The following ZC3HC1 variants were observed in gnomAD, a reference collection of about 807,000 sequenced individuals.
ZC3HC1 encodes the protein zinc finger C3HC-type protein 1.
In ZC3HC1, 38 loss-of-function variants were observed where a neutral mutation model predicts 61.9. The ratio of observed to expected loss-of-function variants is 0.61; its 90% CI spans 0.47 to 0.81. The LOEUF (loss-of-function observed/expected upper bound fraction) is 0.81. Among genes scored for constraint, ZC3HC1 ranks in the 30% least tolerant of loss-of-function variants. The pLI, the probability that ZC3HC1 is intolerant of heterozygous loss-of-function variation, is 0.00. For synonymous variants in ZC3HC1, 213 were observed against 229.9 expected, an observed-to-expected ratio of 0.93 and a Z score of 0.67; for missense variants, 554 against 622.7, an observed-to-expected ratio of 0.89 and a Z score of 1.17.
At chr7:130,025,472 C>T (rs1223092754) in intron 6 of ZC3HC1, among the ~76,000 whole-genome samples, 1 of 151,622 alleles carries the variant, frequency 6.6e-6, no homozygotes, top group South Asian at 2.1e-4. Context: ...GATTTTTCTT[C>T]CTTTCTAAAA....
intron 5 of ZC3HC1, 134 bp from the exon 6 acceptor site, chr7:130,026,446 A>C: frequency 1.1e-6 from 1 of 888,692 alleles, no homozygotes; most frequent in East Asian, 2.7e-5. Flanking sequence ...CTCTTCACAG[A>C]GAACAAAATA....
At position 130,024,245 on chromosome 7, in the gene ZC3HC1, A is replaced by C. The variant is rs780686574; in HGVS notation, c.1020+18T>G. On this transcript the variant is annotated intron_variant, in intron 7 of 9. Transcript: ENST00000358303. Reference sequence around the variant, plus strand: ...GAATGTTGTTTAAAATTCCACCCCAAATAAGCTAAGTGAATACCTGCTCTG... The same window carrying C: ...GAATGTTGTTTAAAATTCCACCCCACATAAGCTAAGTGAATACCTGCTCTG... 16 of 1,562,804 alleles carry C rather than the reference A, an allele frequency of 1.0e-5. No individual in the cohort carries two copies. The highest frequency in any genetic ancestry group is 8.7e-7 in the Non-Finnish European group (1 of 1,154,492).
chr7:130,021,315 T>C (rs953468405), intron 9 of ZC3HC1, among the ~76,000 whole-genome samples: 25 of 152,214 alleles, frequency 1.6e-4, no homozygotes, highest in African/African-American at 5.8e-4. Flanking sequence ...TGACAAGTAT[T>C]ATTTTACTTT....
intron 2 of ZC3HC1, among the ~76,000 whole-genome samples, chr7:130,045,961 C>T (rs989770460): frequency 2.0e-5 from 3 of 147,170 alleles, no homozygotes; most frequent in African/African-American, 7.5e-5. Flanking sequence ...CTCTTTGATA[C>T]TATGCAGCCA....
At chr7:130,027,918 C>T (rs2116689627) in intron 5 of ZC3HC1, among the ~76,000 whole-genome samples, 1 of 151,682 alleles carries the variant, frequency 6.6e-6, no homozygotes, top group East Asian at 2.0e-4. Context: ...TCTGTAATCC[C>T]AGCACTTTGG....
At chr7:130,039,626 G>C in intron 3 of ZC3HC1, 79 bp from the exon 4 acceptor site, 1 of 951,588 alleles carries the variant, frequency 1.1e-6, no homozygotes, top group Non-Finnish European at 1.6e-6. Context: ...TAAGAGCAGA[G>C]ATTTAACTAA....
At chr7:130,038,986 T>C (rs1435020586) in intron 4 of ZC3HC1, among the ~76,000 whole-genome samples, 1 of 151,428 alleles carries the variant, frequency 6.6e-6, no homozygotes. Flanking sequence ...ATGCACTTCA[T>C]GAAGGTAAGT....
intron 4 of ZC3HC1, 198 bp downstream of exon 4, chr7:130,039,266 C>G: frequency 1.8e-6 from 1 of 556,880 alleles, no homozygotes; most frequent in Admixed American, 3.4e-5. Flanking sequence ...ATTGCTTGAA[C>G]GCGGGAGGCG....
Position 130,040,940 on chromosome 7 carries a change from C to T in ZC3HC1, c.409+11G>A. 7 of 1,606,010 alleles carry T rather than the reference C, an allele frequency of 4.4e-6. No individual in the cohort carries two copies. ...GTGTGGAGAAAAATGTAATTTGTAC[C>T]TTATACTTACATCTGTCAAAGTCAA... On this transcript the variant is annotated intron_variant, in intron 3 of 9. Transcript: ENST00000358303.
intron 2 of ZC3HC1, chr7:130,043,659 C>A (rs962230767): frequency 1.7e-5 from 5 of 301,928 alleles, no homozygotes; most frequent in Non-Finnish European, 3.2e-5. Context: ...AGTCTTAAAG[C>A]CATTAGGCGG....
At chr7:130,048,143 GTTTTTTTTTT>G (rs11364921) in intron 2 of ZC3HC1, among the ~76,000 whole-genome samples, 7 of 73,738 alleles carry the variant, frequency 9.5e-5, no homozygotes, top group African/African-American at 4.1e-4. Flanking sequence ...TTTCCTAGTT[GTTTTTTTTTT>G]TTTTTTTTTT....
intron 4 of ZC3HC1, among the ~76,000 whole-genome samples, chr7:130,037,988 T>C (rs981605926): frequency 1.1e-4 from 16 of 152,212 alleles, no homozygotes; most frequent in Admixed American, 1.0e-3. Flanking sequence ...GATGAGGTCT[T>C]ACTATATTTA....
intron 5 of ZC3HC1, 25 bp downstream of exon 5, chr7:130,028,877 T>C (rs1794047651): frequency 6.2e-7 from 1 of 1,606,640 alleles, no homozygotes; most frequent in African/African-American, 1.3e-5. Flanking sequence ...TGGAGGCCAT[T>C]GCAGCCTAGT....
intron 1 of ZC3HC1, chr7:130,050,566 T>C (rs1402089459): frequency 7.6e-7 from 1 of 1,320,896 alleles, no homozygotes; most frequent in African/African-American, 1.5e-5. Context: ...AATGACAAGA[T>C]TTAGCATTTT....
chr7:130,027,780 A>G (rs568025069), intron 5 of ZC3HC1, among the ~76,000 whole-genome samples: 1 of 151,958 alleles, frequency 6.6e-6, no homozygotes, highest in Admixed American at 6.6e-5. Context: ...CAGCCTCCCA[A>G]AGTGCCGGGA....
chr7:130,035,307 G>A (rs1794387978), intron 4 of ZC3HC1, among the ~76,000 whole-genome samples: 1 of 150,450 alleles, frequency 6.6e-6, no homozygotes, highest in South Asian at 2.1e-4. Context: ...CAGAAGAATC[G>A]CTTGAGCCTG....
chr7:130,035,884 G>A (rs1429179530), intron 4 of ZC3HC1, among the ~76,000 whole-genome samples: 1 of 152,248 alleles, frequency 6.6e-6, no homozygotes, highest in East Asian at 1.9e-4. Flanking sequence ...TCCTCCACAG[G>A]CTACACTTGA....
In ZC3HC1 at chr7:130,026,310, G is replaced by A. The variant is rs756356330; in HGVS notation, c.624C>T (p.Cys208=). The A allele has an allele frequency of 1.2e-6, 2 of 1,611,858 alleles. No homozygotes were observed. The highest frequency in any genetic ancestry group is 1.7e-6 in the Non-Finnish European group (2 of 1,178,482). Residue 208 remains cysteine, a splice_region_variant and synonymous_variant, in exon 6 of 10, where the codon TGC becomes TGT. Coordinates refer to ENST00000358303, the MANE Select transcript of ZC3HC1 (RefSeq NM_016478.5). ...GAAGACTGATCTTGTCTTCTGTCAA[G>A]CACTACAAGGGAGCCAAGTAAAAAA... ...SLRPEDLKTM[C]LTEDKISLLL...
At chr7:130,026,359 G>A in intron 5 of ZC3HC1, 47 bp from the exon 6 acceptor site, 2 of 1,579,132 alleles carry the variant, frequency 1.3e-6, no homozygotes, top group Non-Finnish European at 1.7e-6. Flanking sequence ...ACCATAAAAA[G>A]AAAAATTACA....
Sources: gnomAD v4.1 joint callset for allele counts (sites outside exome capture counted in the v4.1 genomes callset) on GRCh38, gnomAD v4.1.1 for gene constraint, MANE v1.5 for transcripts, NCBI Gene and HGNC (gene_info 2026-07-23, HGNC 2026-07-21) for gene names.